Variants in OLA1 observed in about 807,000 individuals in gnomAD.
OLA1 encodes the protein obg-like ATPase 1.
OLA1 carries 14 observed loss-of-function variants against 48.4 expected under a neutral mutation model. The ratio of observed to expected loss-of-function variants is 0.29; its 90% CI spans 0.19 to 0.45. The LOEUF (loss-of-function observed/expected upper bound fraction) is 0.45. Ranked by LOEUF, OLA1 falls within the 20% of genes least tolerant of loss-of-function variation. OLA1 has a pLI of 1.00. For synonymous variants in OLA1, 127 were observed against 150.4 expected (o/e 0.84, Z 1.14); for missense variants, 325 against 467.1 (o/e 0.70, Z 2.80).
chr2:174,215,494 T>C (rs941674863), intron 4 of OLA1, among the ~76,000 whole-genome samples: 1 of 152,188 alleles, frequency 6.6e-6, no homozygotes, highest in African/African-American at 2.4e-5. Context: ...TGGAAAATTT[T>C]TTGAAGATTT....
chr2:174,101,506 A>G (rs552198417), intron 7 of OLA1, among the ~76,000 whole-genome samples: 1 of 152,344 alleles, frequency 6.6e-6, no homozygotes, highest in South Asian at 2.1e-4. Context: ...GTTTTTCAAC[A>G]TAATGAGGTC....
intron 5 of OLA1, among the ~76,000 whole-genome samples, chr2:174,140,786 T>C (rs1686428520): frequency 6.6e-6 from 1 of 152,028 alleles, no homozygotes; most frequent in African/African-American, 2.4e-5. Flanking sequence ...CTCCTAGGAG[T>C]AGCCCATAGC....
At chr2:174,095,861 G>A (rs1238241561) in intron 7 of OLA1, among the ~76,000 whole-genome samples, 3 of 151,754 alleles carry the variant, frequency 2.0e-5, no homozygotes, top group African/African-American at 4.8e-5. Flanking sequence ...TTAAAAATAG[G>A]CAAATAATTT....
Position 174,177,522 on chromosome 2 carries a change from T to C in OLA1, c.374-35522A>G, listed in dbSNP as rs1441371680. Among the ~76,000 whole-genome samples, 12 of 152,130 alleles carry C rather than the reference T, an allele frequency of 7.9e-5. 1 individual carries two copies. The highest frequency in any genetic ancestry group is 6.6e-4 in the Admixed American group (10 of 15,266). On this transcript the variant is annotated intron_variant, in intron 4 of 10. Coordinates refer to ENST00000284719, the MANE Select transcript of OLA1 (RefSeq NM_013341.5). ...GTGCCATTTTATCACAACCTTCTGT[T>C]CAAGGAAAATATGAATTCTGAATAT...
Position 174,185,508 on chromosome 2 carries a change from A to G in OLA1, c.373+37525T>C, listed in dbSNP as rs148599021. ...ACTTATTTTTTGAGACTTTTTTCCT[A>G]TGAGCATTTTTTTTTATATTCAACC... On this transcript the variant is annotated intron_variant, in intron 4 of 10. Transcript: ENST00000284719. 5.4e-3 allele frequency among the ~76,000 whole-genome samples: 819 copies of G among 152,304 alleles called. 11 individuals are homozygous for G. The Middle Eastern group carries it at 0.065, about 12-fold the overall frequency.
chr2:174,143,292 A>T (rs1484352101), intron 4 of OLA1, among the ~76,000 whole-genome samples: 1 of 152,202 alleles, frequency 6.6e-6, no homozygotes. Context: ...GAGCTATATT[A>T]TGTTTTACTA....
At chr2:174,163,867 C>T (rs148008279) in intron 4 of OLA1, among the ~76,000 whole-genome samples, 2 of 150,458 alleles carry the variant, frequency 1.3e-5, no homozygotes, top group African/African-American at 4.9e-5. Context: ...ACCACATAGA[C>T]TGTTTAAAAA....
At chr2:174,108,997 C>A (rs1269926813) in intron 7 of OLA1, among the ~76,000 whole-genome samples, 1 of 152,118 alleles carries the variant, frequency 6.6e-6, no homozygotes, top group African/African-American at 2.4e-5. Context: ...TTGTATCTTC[C>A]ATCAGAAATG....
At chr2:174,204,931 T>C (rs745889619) in intron 4 of OLA1, among the ~76,000 whole-genome samples, 3 of 152,174 alleles carry the variant, frequency 2.0e-5, no homozygotes, top group Non-Finnish European at 4.4e-5. Flanking sequence ...TCAAATTATA[T>C]CACCATAAAG....
chr2:174,191,309 G>A (rs561610189), intron 4 of OLA1, among the ~76,000 whole-genome samples: 1 of 118,848 alleles, frequency 8.4e-6, no homozygotes, highest in Non-Finnish European at 1.7e-5. Flanking sequence ...AGACAGAACA[G>A]CTTCAGCGTA....
At position 174,207,714 on chromosome 2, in the gene OLA1, T is replaced by G. The variant is rs145312099; in HGVS notation, c.373+15319A>C. Among the ~76,000 whole-genome samples the G allele has an allele frequency of 1.6e-4, 24 of 152,306 alleles. No homozygotes were observed. In the East Asian group the frequency reaches 4.6e-3, roughly 29 times the overall value. On this transcript the variant is annotated intron_variant, in intron 4 of 10. Coordinates refer to ENST00000284719, the MANE Select transcript of OLA1 (RefSeq NM_013341.5). ...TAGCAGTTATTCAAAAAAATTGATA[T>G]GCTCTACTTACTAAAATAGACTCTT...
intron 4 of OLA1, among the ~76,000 whole-genome samples, chr2:174,150,328 C>A (rs1341614631): frequency 6.6e-6 from 1 of 152,202 alleles, no homozygotes; most frequent in Non-Finnish European, 1.5e-5. Context: ...TGGGACTCTA[C>A]AGAAAGTCCC....
intron 7 of OLA1, among the ~76,000 whole-genome samples, chr2:174,098,709 C>T (rs529661390): frequency 6.6e-6 from 1 of 152,160 alleles, no homozygotes; most frequent in South Asian, 2.1e-4. Flanking sequence ...ATAGTAGCTA[C>T]TTCAGAGGGT....
At chr2:174,247,983 C>G in intron 1 of OLA1, 1 of 563,284 alleles carries the variant, frequency 1.8e-6, no homozygotes, top group Non-Finnish European at 3.1e-6. Context: ...CCTCCTAGGA[C>G]CACGCTGGGG....
At chr2:174,171,366 A>C (rs1402082314) in intron 4 of OLA1, among the ~76,000 whole-genome samples, 1 of 152,248 alleles carries the variant, frequency 6.6e-6, no homozygotes, top group East Asian at 1.9e-4. Flanking sequence ...CAGACTACGC[A>C]TAGCCAAAAG....
At chr2:174,144,730 A>C (rs1686537092) in intron 4 of OLA1, among the ~76,000 whole-genome samples, 1 of 151,288 alleles carries the variant, frequency 6.6e-6, no homozygotes, top group Non-Finnish European at 1.5e-5. Flanking sequence ...AGGCAGGAGG[A>C]TCGCCTGAGC....
chr2:174,193,091 CT>C (rs34103927), intron 4 of OLA1, among the ~76,000 whole-genome samples: 126 of 137,886 alleles, frequency 9.1e-4, no homozygotes, highest in Admixed American at 9.6e-4. Context: ...TTCTTTCTTT[CT>C]TTTTTTTTTT....
At chr2:174,111,723 C>T (rs1685655729) in intron 7 of OLA1, among the ~76,000 whole-genome samples, 1 of 152,278 alleles carries the variant, frequency 6.6e-6, no homozygotes, top group South Asian at 2.1e-4. Flanking sequence ...CACACAGTCT[C>T]ACACACTTCC....
At chr2:174,134,161 T>C (rs1686247682) in intron 5 of OLA1, among the ~76,000 whole-genome samples, 1 of 152,238 alleles carries the variant, frequency 6.6e-6, no homozygotes, top group Non-Finnish European at 1.5e-5. Flanking sequence ...CATGCACATA[T>C]ATTGTTTGAG....
Sources: gnomAD v4.1 joint callset for allele counts (sites outside exome capture counted in the v4.1 genomes callset) on GRCh38, gnomAD v4.1.1 for gene constraint, MANE v1.5 for transcripts, NCBI Gene and HGNC (gene_info 2026-07-23, HGNC 2026-07-21) for gene names.